The following BMPER variants were observed in gnomAD, a reference collection of about 807,000 sequenced individuals.
The protein encoded by BMPER is BMP binding endothelial regulator.
In BMPER, 45 loss-of-function variants were observed where a neutral mutation model predicts 87.3. The ratio of observed to expected loss-of-function variants is 0.52; its 90% CI spans 0.41 to 0.66. The LOEUF (loss-of-function observed/expected upper bound fraction) is 0.66. BMPER is among the 30% of genes least tolerant of loss of function. BMPER has a pLI of 0.00. For synonymous variants in BMPER, 326 were observed against 316.2 expected, an observed-to-expected ratio of 1.03 and a Z score of -0.33; for missense variants, 784 against 867.5, an observed-to-expected ratio of 0.90 and a Z score of 1.21.
chr7:33,924,760 C>T (rs749149211), intron 2 of BMPER, among the ~76,000 whole-genome samples: 9 of 152,144 alleles, frequency 5.9e-5, no homozygotes, highest in Non-Finnish European at 1.2e-4. Context: ...CTCTGCCTCC[C>T]GGGCTCAAGC....
chr7:34,062,178 C>G, intron 11 of BMPER, 131 bp downstream of exon 11: 1 of 783,322 alleles, frequency 1.3e-6, no homozygotes, highest in Non-Finnish European at 2.1e-6. Flanking sequence ...ATCATCTCAC[C>G]TCCCTACAGT....
chr7:33,992,874 T>C (rs948918645), intron 6 of BMPER, among the ~76,000 whole-genome samples: 1 of 134,994 alleles, frequency 7.4e-6, no homozygotes, highest in Non-Finnish European at 1.6e-5. Context: ...CCTTCACTTA[T>C]GAAGCTTAGT....
intron 13 of BMPER, among the ~76,000 whole-genome samples, chr7:34,088,839 A>T (rs1014702601): frequency 6.6e-6 from 1 of 152,164 alleles, no homozygotes; most frequent in African/African-American, 2.4e-5. Flanking sequence ...GTCATCACGG[A>T]GGACTGATTA....
chr7:34,035,576 G>A (rs1163240564), intron 6 of BMPER, among the ~76,000 whole-genome samples: 18 of 152,210 alleles, frequency 1.2e-4, no homozygotes, highest in Admixed American at 1.1e-3. Flanking sequence ...AGTCATTCAT[G>A]TCAAGATAAC....
intron 3 of BMPER, among the ~76,000 whole-genome samples, chr7:33,945,902 C>T (rs1784882569): frequency 1.3e-5 from 2 of 152,052 alleles, no homozygotes; most frequent in African/African-American, 4.8e-5. Context: ...GTGACCATGT[C>T]CTCAAGGAGC....
chr7:34,125,575 T>G (rs1052840562), intron 13 of BMPER, among the ~76,000 whole-genome samples: 17 of 152,228 alleles, frequency 1.1e-4, no homozygotes, highest in African/African-American at 3.9e-4. Flanking sequence ...GCTAGTTGAA[T>G]GCATGAGCGA....
chr7:33,997,703 G>C (rs1038553911), intron 6 of BMPER, among the ~76,000 whole-genome samples: 7 of 152,014 alleles, frequency 4.6e-5, no homozygotes, highest in Non-Finnish European at 8.8e-5. Context: ...GACCCTCTGG[G>C]CTCCCTGTTG....
intron 2 of BMPER, among the ~76,000 whole-genome samples, chr7:33,930,434 G>T (rs918692583): frequency 6.6e-6 from 1 of 152,110 alleles, no homozygotes; most frequent in African/African-American, 2.4e-5. Flanking sequence ...CAACCACTGG[G>T]CTATCTCAGG....
rs149147375 is a variant in BMPER at position 33,966,376 on chromosome 7, C to G, written c.320-103C>G. On this transcript the variant is annotated intron_variant, in intron 3 of 14. Transcript: ENST00000649409. ...CAAAGAGCATGGTGGTTCCTTTGATCGCTAATCTGGGCTTAGAGAACATAA... is the reference window on the plus strand; with the variant it reads ...CAAAGAGCATGGTGGTTCCTTTGATGGCTAATCTGGGCTTAGAGAACATAA... 76 of 988,270 alleles carry G rather than the reference C, an allele frequency of 7.7e-5. No individual in the cohort carries two copies. In the African/African-American group the frequency reaches 9.7e-4, roughly 13 times the overall value. 61.2% of individuals were successfully genotyped at this position (988,270 alleles called of 1,614,324 possible).
intron 11 of BMPER, among the ~76,000 whole-genome samples, chr7:34,064,022 TATGCCTGTAATCCC>T (rs1788509882): frequency 6.6e-6 from 1 of 152,232 alleles, no homozygotes; most frequent in African/African-American, 2.4e-5. Flanking sequence ...CGCAGTGCCT[TATGCCTGTAATCCC>T]ATGCCTGTAA....
At chr7:34,000,311 G>C (rs6980312) in intron 6 of BMPER, among the ~76,000 whole-genome samples, 36,833 of 151,796 alleles carry the variant, frequency 0.24, 4,861 homozygotes, top group Admixed American at 0.32. Flanking sequence ...AAATTTGGAC[G>C]GTGTTTTTAG....
At chr7:34,065,257 T>C (rs928132341) in intron 11 of BMPER, among the ~76,000 whole-genome samples, 6 of 145,356 alleles carry the variant, frequency 4.1e-5, no homozygotes, top group African/African-American at 1.5e-4. Context: ...TCCCTCTCTC[T>C]CTCTCTCCCC....
chr7:34,065,681 G>A (rs948865987), intron 11 of BMPER, among the ~76,000 whole-genome samples: 8 of 152,176 alleles, frequency 5.3e-5, no homozygotes, highest in South Asian at 4.1e-4. Context: ...TTATGAAGGC[G>A]TAATTATATC....
At chr7:33,910,043 G>A (rs1412617550) in intron 2 of BMPER, among the ~76,000 whole-genome samples, 4 of 152,150 alleles carry the variant, frequency 2.6e-5, no homozygotes, top group African/African-American at 4.8e-5. Flanking sequence ...ATGGAATCTC[G>A]TTTTAAAGTA....
At chr7:33,990,325 C>G (rs1006294379) in intron 6 of BMPER, among the ~76,000 whole-genome samples, 1 of 136,328 alleles carries the variant, frequency 7.3e-6, no homozygotes, top group Non-Finnish European at 1.6e-5. Context: ...TGAAGAGGTC[C>G]TTCACATCCC....
At chr7:33,925,019 C>A (rs1405204785) in intron 2 of BMPER, among the ~76,000 whole-genome samples, 1 of 152,122 alleles carries the variant, frequency 6.6e-6, no homozygotes, top group Non-Finnish European at 1.5e-5. Context: ...TATTCTGTTC[C>A]CTTGTCCCGC....
At chr7:34,114,417 G>C (rs1160182219) in intron 13 of BMPER, among the ~76,000 whole-genome samples, 1 of 152,164 alleles carries the variant, frequency 6.6e-6, no homozygotes, top group Non-Finnish European at 1.5e-5. Flanking sequence ...TCTGCAGTTT[G>C]TTTTATTGAT....
intron 3 of BMPER, among the ~76,000 whole-genome samples, chr7:33,963,696 AG>A (rs1442797986): frequency 6.6e-6 from 1 of 152,124 alleles, no homozygotes. Flanking sequence ...CAGGGGGCTG[AG>A]TAGGAGAATC....
chr7:34,013,755 G>T (rs1242836959), intron 6 of BMPER, among the ~76,000 whole-genome samples: 1 of 151,762 alleles, frequency 6.6e-6, no homozygotes, highest in Non-Finnish European at 1.5e-5. Flanking sequence ...TGATTTGTGG[G>T]TTCAGATGTT....
Sources: allele counts gnomAD v4.1 joint callset (sites outside exome capture counted in the v4.1 genomes callset), GRCh38; gene constraint gnomAD v4.1.1; transcripts MANE v1.5; gene names NCBI Gene and HGNC (gene_info 2026-07-23, HGNC 2026-07-21).